The following PHF14 variants were observed in gnomAD, a reference collection of about 807,000 sequenced individuals.
The protein encoded by PHF14 is PHD finger protein 14.
In PHF14, 55 loss-of-function variants were observed where a neutral mutation model predicts 117.9. That is an observed-to-expected ratio of 0.47 (90% CI 0.38 to 0.58). The LOEUF (loss-of-function observed/expected upper bound fraction) is 0.58, where lower values mean the gene tolerates loss of function less well. PHF14 is among the 20% of genes least tolerant of loss of function. PHF14 has a pLI of 0.00. For missense variants in PHF14, 978 were observed against 1,122.2 expected, an observed-to-expected ratio of 0.87 and a Z score of 1.84; for synonymous variants, 409 against 368.6, an observed-to-expected ratio of 1.11 and a Z score of -1.26.
intron 14 of PHF14, among the ~76,000 whole-genome samples, chr7:11,060,016 A>G (rs1385606131): frequency 6.6e-6 from 1 of 151,992 alleles, no homozygotes; most frequent in Non-Finnish European, 1.5e-5. Context: ...GACTACCAGC[A>G]CTCACAACCA....
intron 16 of PHF14, among the ~76,000 whole-genome samples, chr7:11,077,064 G>A (rs1405715780): frequency 6.6e-6 from 1 of 151,796 alleles, no homozygotes; most frequent in African/African-American, 2.4e-5. Context: ...ATTTATGAAA[G>A]TTGCTTCTTA....
chr7:11,063,471 A>G, intron 16 of PHF14: 1 of 981,848 alleles, frequency 1.0e-6, no homozygotes, highest in Non-Finnish European at 1.2e-6. Context: ...ATTCAGGAAA[A>G]TTCCCTTGGG....
intron 13 of PHF14, among the ~76,000 whole-genome samples, chr7:11,049,189 A>G (rs997518912): frequency 9.2e-5 from 14 of 152,116 alleles, no homozygotes; most frequent in African/African-American, 3.4e-4. Flanking sequence ...AAAGTAAATT[A>G]GAGCCTGGCG....
rs79024414 is a variant in PHF14 at position 11,142,848 on chromosome 7, A to C, written c.2773-26568A>C. The stretch of plus-strand genomic sequence containing the variant: ...AAACAAATTGTTATTCTAAGTATAC[A>C]TTGATAAAACTCCGTTAATGACTTA... On this transcript the variant is annotated intron_variant, in intron 17 of 17. Transcript: ENST00000634607. Among the ~76,000 whole-genome samples, 836 of 152,248 alleles carry C rather than the reference A, an allele frequency of 5.5e-3. 5 individuals are homozygous for C. Among genetic ancestry groups the C allele is most frequent in the African/African-American group, 0.019 (790 of 41,560 alleles).
intron 2 of PHF14, among the ~76,000 whole-genome samples, chr7:10,978,888 A>T (rs1322993700): frequency 6.6e-6 from 1 of 152,186 alleles, no homozygotes; most frequent in African/African-American, 2.4e-5. Flanking sequence ...TCGGAAGTGG[A>T]GGATGAGTTG....
intron 16 of PHF14, chr7:11,109,284 T>A (rs1262113515): frequency 6.6e-6 from 1 of 151,670 alleles, no homozygotes; most frequent in Non-Finnish European, 1.5e-5. Context: ...CTACAAAAAT[T>A]GAATACAAGA....
chr7:11,047,800 G>T (rs528753129), intron 13 of PHF14, among the ~76,000 whole-genome samples: 1 of 128,980 alleles, frequency 7.8e-6, no homozygotes, highest in African/African-American at 2.9e-5. Flanking sequence ...AAAGACAGAA[G>T]AAGAGGAGGG....
intron 13 of PHF14, among the ~76,000 whole-genome samples, chr7:11,046,787 C>T (rs1784678981): frequency 6.6e-6 from 1 of 151,854 alleles, no homozygotes; most frequent in Admixed American, 6.6e-5. Flanking sequence ...TTTGAGCCAC[C>T]TCTTAAAGTT....
intron 4 of PHF14, among the ~76,000 whole-genome samples, chr7:11,002,780 A>C (rs1353917026): frequency 1.3e-5 from 2 of 152,028 alleles, no homozygotes; most frequent in Non-Finnish European, 2.9e-5. Context: ...AATAATGGTT[A>C]GGGCAAACAC....
intron 16 of PHF14, among the ~76,000 whole-genome samples, chr7:11,074,567 T>G (rs557304239): frequency 2.0e-5 from 3 of 152,182 alleles, no homozygotes; most frequent in African/African-American, 7.2e-5. Context: ...TAGGCTGTTA[T>G]AAGCAGCCAG....
At chr7:11,088,343 G>A (rs1003825460) in intron 16 of PHF14, among the ~76,000 whole-genome samples, 4 of 151,930 alleles carry the variant, frequency 2.6e-5, no homozygotes, top group Non-Finnish European at 5.9e-5. Context: ...AGAACCTGCA[G>A]ATATGGAGGG....
intron 17 of PHF14, among the ~76,000 whole-genome samples, chr7:11,113,994 G>A (rs79090939): frequency 0.077 from 11,725 of 152,004 alleles, 487 homozygotes; most frequent in African/African-American, 0.099. Flanking sequence ...TTGCTTAGGT[G>A]GAATATTATT....
At chr7:11,016,877 C>T (rs1163678102) in intron 5 of PHF14, among the ~76,000 whole-genome samples, 1 of 152,120 alleles carries the variant, frequency 6.6e-6, no homozygotes, top group Non-Finnish European at 1.5e-5. Context: ...CCCACCTCCC[C>T]CCACCATTTC....
Position 11,105,405 on chromosome 7 carries a change from A to G in PHF14, c.2655-5945A>G, listed in dbSNP as rs1028172778. ...GGTTTTAAACAAAGTTACTTATTTC[A>G]TAAAACTCACCACTATTTTACTTGA... is the stretch of plus-strand genomic sequence containing the variant. On this transcript the variant is annotated intron_variant, in intron 16 of 17. Coordinates refer to ENST00000634607, the MANE Select transcript of PHF14 (RefSeq NM_001007157.2). 1.8e-5 allele frequency: 17 copies of G among 960,468 alleles called. No individual in the cohort carries two copies. In the South Asian group the frequency reaches 6.3e-4, roughly 35 times the overall value. 59.5% of individuals were successfully genotyped at this position (960,468 alleles called of 1,614,324 possible). A position where few individuals can be genotyped will look rare whatever the true frequency, so the allele number is the denominator to read the frequency against.
At chr7:11,168,665 G>C (rs1261275697) in intron 17 of PHF14, among the ~76,000 whole-genome samples, 1 of 152,132 alleles carries the variant, frequency 6.6e-6, no homozygotes, top group Non-Finnish European at 1.5e-5. Flanking sequence ...AGAAATATTA[G>C]GAAAGCAAGA....
At chr7:11,104,417 A>C (rs1787189288) in intron 16 of PHF14, 1 of 953,554 alleles carries the variant, frequency 1.0e-6, no homozygotes, top group African/African-American at 1.8e-5. Context: ...TCATATCCAC[A>C]GTATAAAATT....
At chr7:10,984,428 G>C (rs1782147133) in intron 3 of PHF14, among the ~76,000 whole-genome samples, 2 of 152,088 alleles carry the variant, frequency 1.3e-5, no homozygotes, top group Admixed American at 1.3e-4. Flanking sequence ...TTGGGAAATA[G>C]TGTAATATTT....
At chr7:11,117,500 A>G (rs1335769682) in intron 17 of PHF14, among the ~76,000 whole-genome samples, 1 of 150,462 alleles carries the variant, frequency 6.6e-6, no homozygotes, top group Admixed American at 6.7e-5. Flanking sequence ...AGTAGAGGAC[A>G]TACGATATTT....
intron 17 of PHF14, among the ~76,000 whole-genome samples, chr7:11,161,499 T>C (rs1347683916): frequency 6.6e-6 from 1 of 151,916 alleles, no homozygotes; most frequent in Non-Finnish European, 1.5e-5. Context: ...TCTGAAAATT[T>C]TAATGGGCCA....
Sources: gnomAD v4.1 joint callset for allele counts (sites outside exome capture counted in the v4.1 genomes callset) on GRCh38, gnomAD v4.1.1 for gene constraint, MANE v1.5 for transcripts, NCBI Gene and HGNC (gene_info 2026-07-23, HGNC 2026-07-21) for gene names.